The following MED16 variants were observed in gnomAD, a reference collection of about 807,000 sequenced individuals.
MED16 encodes mediator complex subunit 16, also known as mediator of RNA polymerase II transcription subunit 16.
A neutral mutation model predicts 84.4 loss-of-function variants in MED16; 81 were observed. The ratio of observed to expected loss-of-function variants is 0.96; its 90% CI spans 0.80 to 1.15. The LOEUF is 1.15. Ranked by LOEUF, MED16 falls within the 50% of genes most tolerant of loss-of-function variation. The pLI is 0.00. For synonymous variants in MED16, 897 were observed against 552.2 expected, an observed-to-expected ratio of 1.62 and a Z score of -8.76; for missense variants, 1,585 against 1,245.9, an observed-to-expected ratio of 1.27 and a Z score of -4.10.
chr19:873,775 C>G (rs551579725), intron 10 of MED16, among the ~76,000 whole-genome samples, 193 bp from the exon 11 acceptor site: 4 of 152,228 alleles, frequency 2.6e-5, no homozygotes, highest in East Asian at 1.9e-4. Flanking sequence ...GCCTGCCCCC[C>G]CCCGGGGGCC....
intron 11 of MED16, among the ~76,000 whole-genome samples, chr19:872,400 G>A (rs2036098797): frequency 6.6e-6 from 1 of 152,038 alleles, no homozygotes; most frequent in Non-Finnish European, 1.5e-5. Flanking sequence ...ATCCCCACCT[G>A]CACGTGGAGG....
chr19:871,557 C>A, intron 12 of MED16: 1 of 1,591,092 alleles, frequency 6.3e-7, no homozygotes, highest in Non-Finnish European at 8.5e-7. Flanking sequence ...ACACAGCTCA[C>A]CCTCCTCACA....
intron 12 of MED16, chr19:871,573 A>G (rs1294506444): frequency 9.4e-6 from 15 of 1,594,926 alleles, no homozygotes; most frequent in Non-Finnish European, 1.2e-5. Flanking sequence ...TCACATACAC[A>G]CAACCCGACA....
intron 6 of MED16, among the ~76,000 whole-genome samples, chr19:883,501 A>G: frequency 2.0e-5 from 3 of 146,736 alleles, no homozygotes; most frequent in African/African-American, 5.1e-5. Context: ...CGGTAGGGGG[A>G]GAGATGGGGG....
At chr19:872,563 G>A (rs933647511) in intron 11 of MED16, among the ~76,000 whole-genome samples, 1 of 151,912 alleles carries the variant, frequency 6.6e-6, no homozygotes, top group East Asian at 2.0e-4. Flanking sequence ...CGTGATGGGC[G>A]CGGTGGAGAA....
chr19:887,155 G>A (rs1337176591), intron 4 of MED16, among the ~76,000 whole-genome samples: 2 of 151,776 alleles, frequency 1.3e-5, no homozygotes, highest in African/African-American at 4.8e-5. Flanking sequence ...TGTATCATAC[G>A]TATCGTACGG....
chr19:887,109 T>C (rs1158513386), intron 4 of MED16, among the ~76,000 whole-genome samples: 3 of 148,472 alleles, frequency 2.0e-5, no homozygotes, highest in South Asian at 2.1e-4. Context: ...ACAAGAAAAA[T>C]GTCTCTACGT....
chr19:888,134 G>A (rs995503615), intron 4 of MED16, among the ~76,000 whole-genome samples: 1 of 151,892 alleles, frequency 6.6e-6, no homozygotes, highest in Non-Finnish European at 1.5e-5. Flanking sequence ...AGCCCGGGAG[G>A]GAGAGGCTGC....
At position 886,043 on chromosome 19, in the gene MED16, G is replaced by T; in HGVS notation, c.606C>A (p.Ser202=). Residue 202 remains serine (S), a synonymous_variant, in exon 5 of 16, where the codon TCC becomes TCA. Transcript: ENST00000325464. ...CGCGCAGCCGGCACAGGCTCTCGGT[G>T]GACGTCAGCACCTGCCCGCTGGGCT... The part of the protein sequence containing the change: ...LLKPSGQVLT[S]TESLCRLRGR... The T allele has an allele frequency of 6.3e-7, 1 of 1,597,138 alleles. No individual in the cohort carries two copies.
intron 12 of MED16, chr19:871,695 C>A: frequency 7.0e-7 from 1 of 1,423,314 alleles, no homozygotes; most frequent in Non-Finnish European, 9.6e-7. Flanking sequence ...GGCAGAGCCA[C>A]TGCCACCTGC....
chr19:872,203 G>A (rs904091572), intron 11 of MED16, 85 bp from the exon 12 acceptor site: 14 of 1,189,800 alleles, frequency 1.2e-5, no homozygotes, highest in East Asian at 2.6e-5. Context: ...GTGGAACCCC[G>A]ACCGGGGGGC....
chr19:886,224 G>A (rs760648552), intron 4 of MED16, 23 bp from the exon 5 acceptor site: 1 of 1,490,458 alleles, frequency 6.7e-7, no homozygotes, highest in Non-Finnish European at 8.9e-7. Context: ...GAGGGAGGGA[G>A]GAGGGGCCGC....
chr19:875,640 G>C (rs974966009), intron 9 of MED16, among the ~76,000 whole-genome samples, 186 bp from the exon 10 acceptor site: 1 of 152,220 alleles, frequency 6.6e-6, no homozygotes, highest in Non-Finnish European at 1.5e-5. Context: ...ACAGGACCAG[G>C]TGCTGGGTTC....
intron 9 of MED16, 113 bp downstream of exon 9, chr19:876,861 G>A (rs992897078): frequency 8.5e-5 from 89 of 1,045,830 alleles, no homozygotes; most frequent in Admixed American, 4.6e-4. Context: ...CACCTGGCAC[G>A]GGACCACCTG....
intron 9 of MED16, among the ~76,000 whole-genome samples, chr19:875,705 T>C (rs2036214754): frequency 6.6e-6 from 1 of 152,106 alleles, no homozygotes; most frequent in Admixed American, 6.5e-5. Flanking sequence ...TCTGGAGATA[T>C]TTTTAGTTGT....
rs1052965042 is a variant in MED16, at chr19:877,266, ACGTGTGTGGATCTGTGTGCGCGCACGCC to A, written c.1354-114_1354-87del. 8.2e-6 allele frequency: 11 copies of A among 1,334,908 alleles called. 1 individual carries two copies. Among genetic ancestry groups the A allele is most frequent in the East Asian group, 7.4e-5 (3 of 40,286 alleles). The allele number at this position is 1,334,908 out of a possible 1,614,324, so 82.7% of individuals were successfully genotyped here. A position where few individuals can be genotyped will look rare whatever the true frequency, so the allele number is the denominator to read the frequency against. On this transcript the variant is annotated intron_variant, in intron 8 of 15. Coordinates refer to ENST00000325464, the MANE Select transcript of MED16 (RefSeq NM_005481.3). Reference sequence around the variant, plus strand: ...AGGAATGGGGCCCTGGGGCTGCGGCACGTGTGTGGATCTGTGTGCGCGCACGCCCGTGTGTGGGCCTGTGTGCGCGCAT... The same window carrying A: ...AGGAATGGGGCCCTGGGGCTGCGGCACGTGTGTGGGCCTGTGTGCGCGCAT...
At chr19:884,131 G>A (rs2036476832) in intron 6 of MED16, among the ~76,000 whole-genome samples, 1 of 152,140 alleles carries the variant, frequency 6.6e-6, no homozygotes, top group Non-Finnish European at 1.5e-5. Context: ...GCCACTCCAG[G>A]GTCCATTAGC....
At chr19:879,427 A>ACG (rs2036358203) in intron 8 of MED16, among the ~76,000 whole-genome samples, 1 of 13,352 alleles carries the variant, frequency 7.5e-5, no homozygotes. Context: ...ATGCCCACCA[A>ACG]CCCCAGCCCC....
chr19:868,593 T>G, intron 14 of MED16, 94 bp from the exon 15 acceptor site: 1 of 1,504,556 alleles, frequency 6.6e-7, no homozygotes, highest in Non-Finnish European at 8.9e-7. Context: ...CTCCCTCTGC[T>G]CGCCGTCCCT....
Sources: gnomAD v4.1 joint callset for allele counts (sites outside exome capture counted in the v4.1 genomes callset) on GRCh38, gnomAD v4.1.1 for gene constraint, MANE v1.5 for transcripts, NCBI Gene and HGNC (gene_info 2026-07-23, HGNC 2026-07-21) for gene names.